GNPAT: variants seen among roughly 807,000 people sequenced by gnomAD.
GNPAT encodes the protein glyceronephosphate O-acyltransferase.
A neutral mutation model predicts 78.4 loss-of-function variants in GNPAT; 30 were observed. The ratio of observed to expected loss-of-function variants is 0.38; its 90% CI spans 0.29 to 0.52. The LOEUF (loss-of-function observed/expected upper bound fraction) is 0.52. Ranked by LOEUF, GNPAT falls within the 20% of genes least tolerant of loss-of-function variation. The pLI, the probability that GNPAT is intolerant of heterozygous loss-of-function variation, is 0.84. For synonymous variants in GNPAT, 271 were observed against 281.1 expected (o/e 0.96, Z 0.36); for missense variants, 714 against 812.2 (o/e 0.88, Z 1.47).
chr1:231,271,102 G>A (rs748969126), intron 10 of GNPAT, 102 bp downstream of exon 10: 51 of 1,310,284 alleles, frequency 3.9e-5, no homozygotes, highest in Middle Eastern at 3.8e-4. Context: ...GCCTCACGCC[G>A]GTGAAGAGCA....
chr1:231,246,655 A>G lies in GNPAT; in HGVS notation c.79-4306A>G, dbSNP rs150599150. ...GTAAATTTACTTACTTAATGATAGTAAAAACTTCTCAAGCATGGTATAGGG... is the reference window on the plus strand; with the variant it reads ...GTAAATTTACTTACTTAATGATAGTGAAAACTTCTCAAGCATGGTATAGGG... On this transcript the variant is annotated intron_variant, in intron 1 of 15. Transcript: ENST00000366647. Among the ~76,000 whole-genome samples the G allele has an allele frequency of 2.0e-4, 31 of 152,364 alleles. No homozygotes were observed. The East Asian group carries it at 5.0e-3, about 25-fold the overall frequency.
At chr1:231,257,411 A>G (rs1685095377) in intron 2 of GNPAT, among the ~76,000 whole-genome samples, 1 of 152,200 alleles carries the variant, frequency 6.6e-6, no homozygotes, top group Non-Finnish European at 1.5e-5. Flanking sequence ...AAGCTTATCT[A>G]GTAAAGGTTA....
Position 231,275,289 on chromosome 1 carries a change from C to A in GNPAT, c.1812C>A (p.Val604=). 1.2e-6 allele frequency: 2 copies of A among 1,612,720 alleles called. No individual in the cohort carries two copies. The highest frequency in any genetic ancestry group is 1.3e-5 in the African/African-American group (1 of 75,052). The change falls in exon 13 of 16, where the codon GTC becomes GTA. Residue 604 remains valine (V), a synonymous_variant. Coordinates refer to ENST00000366647, the MANE Select transcript of GNPAT (RefSeq NM_014236.4). ...HFSEEQYLAA[V]RKFTSQLLDQ... ...GTGAGGAACAGTACTTGGCTGCAGT[C>A]AGAAAATTCACAAGTCAGCTTCTCG... is the stretch of plus-strand genomic sequence containing the variant.
rs1685385854 is a variant in GNPAT at position 231,266,305 on chromosome 1, C to T, written c.953C>T (p.Ser318Phe). 6.8e-6 allele frequency: 11 copies of T among 1,614,008 alleles called. No individual in the cohort carries two copies. In the East Asian group the frequency reaches 1.3e-4, roughly 20 times the overall value. The change falls in exon 8 of 16, where the codon TCT (serine) becomes TTT (phenylalanine). Residue 318 changes from serine to phenylalanine, a missense_variant. Transcript: ENST00000366647. ...TGLLKARKILSENFGSIHVYF... is the reference protein window; with the variant it reads ...TGLLKARKILFENFGSIHVYF... ...TTGCTGAAAGCCAGAAAGATTCTCTCTGAAAATTTTGGAAGCATCCATGTG... is the reference window on the plus strand; with the variant it reads ...TTGCTGAAAGCCAGAAAGATTCTCTTTGAAAATTTTGGAAGCATCCATGTG...
At chr1:231,242,483 C>T (rs914291479) in intron 1 of GNPAT, among the ~76,000 whole-genome samples, 1 of 152,170 alleles carries the variant, frequency 6.6e-6, no homozygotes, top group African/African-American at 2.4e-5. Context: ...AACTTCTGTT[C>T]CCTCTCTATC....
chr1:231,250,127 G>A (rs189322213), intron 1 of GNPAT, among the ~76,000 whole-genome samples: 5 of 150,734 alleles, frequency 3.3e-5, no homozygotes, highest in Admixed American at 6.6e-5. Context: ...GTAGAGATGG[G>A]GTCTTGCTAT....
At position 231,250,865 on chromosome 1, in the gene GNPAT, AT is replaced by A. The variant is rs1684876782; in HGVS notation, c.79-95del. On this transcript the variant is annotated intron_variant, in intron 1 of 15. Transcript: ENST00000366647. ...CTGCTCCTGTTCACGTCATAGAGTAATATTTTGTCAAAGATGAAACCTTACC... is the reference window on the plus strand; with the variant it reads ...CTGCTCCTGTTCACGTCATAGAGTAAATTTTGTCAAAGATGAAACCTTACC... The A allele has an allele frequency of 8.7e-6, 7 of 804,452 alleles. No homozygotes were observed. The Admixed American group carries it at 9.0e-5, about 10-fold the overall frequency. The allele number at this position is 804,452 out of a possible 1,614,324, so 49.8% of individuals were successfully genotyped here. A position where few individuals can be genotyped will look rare whatever the true frequency, so the allele number is the denominator to read the frequency against.
intron 9 of GNPAT, 61 bp from the exon 10 acceptor site, chr1:231,270,697 G>A (rs892016517): frequency 1.1e-5 from 17 of 1,554,988 alleles, no homozygotes; most frequent in Admixed American, 1.7e-5. Context: ...GTTAACGTAC[G>A]CTAGGCCTAA....
chr1:231,267,672 C>G lies in GNPAT; in HGVS notation c.1056-8C>G. ...CTGTAATTTGTTGCTCTGTGCTCTT[C>G]CTTTTAGATACATTCCTCAGAAACA... On this transcript the variant is annotated splice_polypyrimidine_tract_variant and splice_region_variant and intron_variant, in intron 8 of 15. Coordinates refer to ENST00000366647, the MANE Select transcript of GNPAT (RefSeq NM_014236.4). The G allele has an allele frequency of 1.3e-6, 2 of 1,488,906 alleles. No individual in the cohort carries two copies. Among genetic ancestry groups the G allele is most frequent in the Non-Finnish European group, 1.9e-6 (2 of 1,065,790 alleles). 92.2% of individuals were successfully genotyped at this position (1,488,906 alleles called of 1,614,324 possible). A position where few individuals can be genotyped will look rare whatever the true frequency, so the allele number is the denominator to read the frequency against.
At chr1:231,260,111 A>G (rs112091606) in intron 2 of GNPAT, among the ~76,000 whole-genome samples, 2,782 of 152,292 alleles carry the variant, frequency 0.018, 81 homozygotes, top group African/African-American at 0.063. Context: ...GATCTTGTAT[A>G]TTACCTTGTA....
At chr1:231,262,226 T>C (rs979404217) in intron 3 of GNPAT, among the ~76,000 whole-genome samples, 1 of 152,168 alleles carries the variant, frequency 6.6e-6, no homozygotes, top group Non-Finnish European at 1.5e-5. Flanking sequence ...TTTTTTAATC[T>C]CTCCAAGAGA....
Position 231,265,850 on chromosome 1 carries a change from T to C in GNPAT, c.772+63T>C, listed in dbSNP as rs532226. ...AAAGACATCAGCTGCTACATAAAAC[T>C]TGACGCTTTATTTAACAAGATATTC... On this transcript the variant is annotated intron_variant, in intron 6 of 15. Transcript: ENST00000366647. 614,004 of 1,128,088 alleles carry C rather than the reference T, an allele frequency of 0.54. 169,156 individuals carry two copies. Among genetic ancestry groups the C allele is most frequent in the South Asian group, 0.61 (49,503 of 81,236 alleles). 69.9% of individuals were successfully genotyped at this position (1,128,088 alleles called of 1,614,324 possible). A position where few individuals can be genotyped will look rare whatever the true frequency, so the allele number is the denominator to read the frequency against.
chr1:231,261,746 T>C (rs1311558748), intron 3 of GNPAT, among the ~76,000 whole-genome samples: 1 of 152,216 alleles, frequency 6.6e-6, no homozygotes, highest in Non-Finnish European at 1.5e-5. Flanking sequence ...TTTTCTAATT[T>C]CATAAAGAGC....
chr1:231,259,643 G>A (rs536399986), intron 2 of GNPAT, among the ~76,000 whole-genome samples: 5 of 106,052 alleles, frequency 4.7e-5, no homozygotes, highest in African/African-American at 1.9e-4. Flanking sequence ...GCGAAACTCC[G>A]TCTCAAAAAA....
In GNPAT at chr1:231,244,823, A is replaced by G. The variant is rs558648032; in HGVS notation, c.78+3367A>G. Among the ~76,000 whole-genome samples the G allele has an allele frequency of 5.9e-4, 90 of 152,164 alleles. 1 individual carries two copies. Among genetic ancestry groups the G allele is most frequent in the South Asian group, 1.0e-3 (5 of 4,824 alleles). On this transcript the variant is annotated intron_variant, in intron 1 of 15. Coordinates refer to ENST00000366647, the MANE Select transcript of GNPAT (RefSeq NM_014236.4). ...AGTGAGACCCTAGAATGAAAAGAAGACTGAGGATGGGTAACCACTGGTGTG... is the reference window on the plus strand; with the variant it reads ...AGTGAGACCCTAGAATGAAAAGAAGGCTGAGGATGGGTAACCACTGGTGTG...
intron 4 of GNPAT, among the ~76,000 whole-genome samples, chr1:231,263,889 C>A (rs1166780257): frequency 6.6e-6 from 1 of 152,092 alleles, no homozygotes; most frequent in Admixed American, 6.6e-5. Flanking sequence ...ATTTGTATAT[C>A]TTTGGAGAAA....
At chr1:231,275,820 A>G (rs560839753) in intron 14 of GNPAT, among the ~76,000 whole-genome samples, 198 of 152,340 alleles carry the variant, frequency 1.3e-3, no homozygotes, top group African/African-American at 4.5e-3. Flanking sequence ...ACATAAATAC[A>G]CACATAATAC....
At chr1:231,268,047 A>T in intron 9 of GNPAT, 144 bp downstream of exon 9, 1 of 692,546 alleles carries the variant, frequency 1.4e-6, no homozygotes, top group South Asian at 1.5e-5. Flanking sequence ...TCACACCTGT[A>T]ATCCCAGCAC....
chr1:231,270,693 G>A (rs113089583), intron 9 of GNPAT, 65 bp from the exon 10 acceptor site: 20 of 1,524,420 alleles, frequency 1.3e-5, no homozygotes, highest in African/African-American at 1.2e-4. Flanking sequence ...TAACGTTAAC[G>A]TACGCTAGGC....
Sources: allele counts gnomAD v4.1 joint callset (sites outside exome capture counted in the v4.1 genomes callset), GRCh38; gene constraint gnomAD v4.1.1; transcripts MANE v1.5; gene names NCBI Gene and HGNC (gene_info 2026-07-23, HGNC 2026-07-21).